TSC22D2: variants seen among roughly 807,000 people sequenced by gnomAD.
TSC22D2 encodes TSC22 domain family protein 2.
A neutral mutation model predicts 50.1 loss-of-function variants in TSC22D2; 5 were observed. The ratio of observed to expected loss-of-function variants is 0.10; its 90% CI spans 0.05 to 0.21. The LOEUF is 0.21. TSC22D2 is among the 10% of genes least tolerant of loss of function. TSC22D2 has a pLI of 1.00. For missense variants in TSC22D2, 1,003 were observed against 1,015.5 expected, an observed-to-expected ratio of 0.99 and a Z score of 0.17; for synonymous variants, 501 against 450.1, an observed-to-expected ratio of 1.11 and a Z score of -1.43.
At chr3:150,438,097 A>G (rs1000972654) in intron 1 of TSC22D2, 5 of 241,958 alleles carry the variant, frequency 2.1e-5, no homozygotes, top group Non-Finnish European at 3.6e-5. Context: ...TTAAAGTACA[A>G]AATATCAGTT....
chr3:150,423,207 T>A, intron 1 of TSC22D2: 5 of 965,756 alleles, frequency 5.2e-6, no homozygotes, highest in Non-Finnish European at 7.6e-6. Context: ...TTAAAACTGA[T>A]CTTTGTTATT....
chr3:150,452,566 C>T (rs1485301417), intron 1 of TSC22D2, among the ~76,000 whole-genome samples: 1 of 152,142 alleles, frequency 6.6e-6, no homozygotes, highest in African/African-American at 2.4e-5. Context: ...TGCAAGTAAT[C>T]TCATGGTAAG....
intron 1 of TSC22D2, among the ~76,000 whole-genome samples, chr3:150,443,408 G>T (rs951108407): frequency 6.6e-5 from 10 of 152,172 alleles, no homozygotes; most frequent in Non-Finnish European, 1.2e-4. Context: ...GTAAGTCACT[G>T]GTTTTAGTAC....
intron 1 of TSC22D2, among the ~76,000 whole-genome samples, chr3:150,429,842 A>G (rs1720325599): frequency 6.6e-6 from 1 of 152,134 alleles, no homozygotes; most frequent in South Asian, 2.1e-4. Flanking sequence ...TCCTGTTACC[A>G]TCTTCAGTGG....
chr3:150,448,070 C>T (rs191437073), intron 1 of TSC22D2, among the ~76,000 whole-genome samples: 3 of 152,320 alleles, frequency 2.0e-5, no homozygotes, highest in Non-Finnish European at 2.9e-5. Context: ...CCACCCTCCT[C>T]ATACCCCTTT....
intron 1 of TSC22D2, among the ~76,000 whole-genome samples, chr3:150,435,499 C>A (rs1720511104): frequency 1.3e-5 from 2 of 152,106 alleles, no homozygotes; most frequent in South Asian, 4.1e-4. Flanking sequence ...GTATTTCTGA[C>A]CAAGCATTGG....
Position 150,409,965 on chromosome 3 carries a change from C to T in TSC22D2, c.615C>T (p.Ser205=). Residue 205 remains serine, a synonymous_variant, in exon 1 of 3, where the codon AGC becomes AGT. Coordinates refer to ENST00000688009, the MANE Select transcript of TSC22D2 (RefSeq NM_001303264.2). The surrounding 1 kb of genome is among the most constrained non-coding windows in gnomAD (Gnocchi z 7.4). The part of the protein sequence containing the change: ...LTRSGDCIRH[S]STFDQTAERD... ...GATCCGGGGATTGCATTAGACACAG[C>T]AGTACTTTTGACCAGACTGCGGAGC... is the stretch of plus-strand genomic sequence containing the variant. 6.2e-7 allele frequency: 1 copy of T among 1,613,954 alleles called. No individual in the cohort carries two copies. The highest frequency in any genetic ancestry group is 8.5e-7 in the Non-Finnish European group (1 of 1,180,026).
rs1719488746 is a variant in TSC22D2, at chr3:150,410,392, G to A, written c.1042G>A (p.Ala348Thr). ...LPPQPGPAVGAPAAQQPQQFA... is the reference protein window; with the variant it reads ...LPPQPGPAVGTPAAQQPQQFA... ...TCCGCAGCCGGGCCCTGCAGTGGGC[G>A]CCCCCGCGGCGCAGCAGCCCCAGCA... Residue 348 changes from alanine to threonine, a missense_variant, in exon 1 of 3, where the codon GCC becomes ACC. Physicochemically the swap from Ala to Thr is moderately conservative, Grantham distance 58 (BLOSUM62 0). This residue lies in a region of TSC22D2 where 696 missense variants were observed against 647.8 expected (regional missense o/e 1.07). Transcript: ENST00000688009. 3.1e-6 allele frequency: 5 copies of A among 1,606,274 alleles called. No homozygotes were observed. Among genetic ancestry groups the A allele is most frequent in the Non-Finnish European group, 4.2e-6 (5 of 1,177,246 alleles).
chr3:150,438,540 G>T (rs1720620261), intron 1 of TSC22D2, among the ~76,000 whole-genome samples: 1 of 152,066 alleles, frequency 6.6e-6, no homozygotes, highest in South Asian at 2.1e-4. Flanking sequence ...CCGTATCTTT[G>T]CAGTGGTGTT....
chr3:150,410,789 C>T lies in TSC22D2; in HGVS notation c.1439C>T (p.Ser480Phe). 6.2e-7 allele frequency: 1 copy of T among 1,612,586 alleles called. No homozygotes were observed. Among genetic ancestry groups the T allele is most frequent in the Non-Finnish European group, 8.5e-7 (1 of 1,179,678 alleles). Reference protein sequence around the residue: ...LGPAGAGQPQSVPPPQMGGSG... With the variant: ...LGPAGAGQPQFVPPPQMGGSG... ...CCTGCCGGGGCTGGGCAGCCCCAGT[C>T]CGTGCCTCCGCCGCAGATGGGTGGC... The change falls in exon 1 of 3, where the codon TCC becomes TTC. Residue 480 changes from serine (S) to phenylalanine (F), a missense_variant. Coordinates refer to ENST00000688009, the MANE Select transcript of TSC22D2 (RefSeq NM_001303264.2).
At chr3:150,435,350 C>G (rs1343192684) in intron 1 of TSC22D2, among the ~76,000 whole-genome samples, 1 of 152,048 alleles carries the variant, frequency 6.6e-6, no homozygotes, top group Non-Finnish European at 1.5e-5. Flanking sequence ...TACATTTGTA[C>G]TAATTTTTAA....
chr3:150,411,442 T>G (rs1158167963), intron 1 of TSC22D2, 134 bp downstream of exon 1: 2 of 912,918 alleles, frequency 2.2e-6, no homozygotes, highest in Non-Finnish European at 3.2e-6. Context: ...TTTGGTAAAA[T>G]TGATTTAGAT....
intron 1 of TSC22D2, among the ~76,000 whole-genome samples, chr3:150,429,941 AC>A (rs1720327657): frequency 6.6e-6 from 1 of 152,176 alleles, no homozygotes; most frequent in Non-Finnish European, 1.5e-5. Flanking sequence ...GAGGGAAAAT[AC>A]CAGGAACGTT....
intron 1 of TSC22D2, among the ~76,000 whole-genome samples, chr3:150,430,141 G>A (rs1360466251): frequency 6.6e-6 from 1 of 152,150 alleles, no homozygotes; most frequent in Non-Finnish European, 1.5e-5. Context: ...CAGCTGGAGG[G>A]ATTGGTCAAA....
At chr3:150,438,227 G>T in intron 1 of TSC22D2, 1 of 427,624 alleles carries the variant, frequency 2.3e-6, no homozygotes, top group South Asian at 1.7e-5. Context: ...CATCGGAGGA[G>T]GAATGTGACA....
chr3:150,449,107 A>T (rs2108098554), intron 1 of TSC22D2, among the ~76,000 whole-genome samples: 1 of 152,262 alleles, frequency 6.6e-6, no homozygotes, highest in East Asian at 1.9e-4. Context: ...GATTTTTACA[A>T]ATCACAAATA....
At chr3:150,436,235 ATT>A (rs953489475) in intron 1 of TSC22D2, among the ~76,000 whole-genome samples, 1 of 151,852 alleles carries the variant, frequency 6.6e-6, no homozygotes, top group African/African-American at 2.4e-5. Flanking sequence ...CACCCTTAAA[ATT>A]TTTTTTTGTA....
In TSC22D2 at chr3:150,408,933, C is replaced by T; in HGVS notation, c.-418C>T. On this transcript the variant is annotated 5_prime_UTR_variant, in exon 1 of 3. Coordinates refer to ENST00000688009, the MANE Select transcript of TSC22D2 (RefSeq NM_001303264.2). Reference sequence around the variant, plus strand: ...GCCTCCTCCTCCTCCTCTTCGCCCTCCCACTCCCACCCCCAGCCAAGGCCT... The same window carrying T: ...GCCTCCTCCTCCTCCTCTTCGCCCTTCCACTCCCACCCCCAGCCAAGGCCT... 1 of 170,196 alleles carries T rather than the reference C, an allele frequency of 5.9e-6. No individual in the cohort carries two copies. The highest frequency in any genetic ancestry group is 1.4e-4 in the South Asian group (1 of 7,402). 10.5% of individuals were successfully genotyped at this position (170,196 alleles called of 1,614,324 possible).
chr3:150,412,291 A>T (rs1002211105), intron 1 of TSC22D2, among the ~76,000 whole-genome samples: 1 of 152,176 alleles, frequency 6.6e-6, no homozygotes, highest in African/African-American at 2.4e-5. Flanking sequence ...AATTATAGAA[A>T]AAGTTTCAGG....
Sources: allele counts gnomAD v4.1 joint callset (sites outside exome capture counted in the v4.1 genomes callset), GRCh38; gene constraint gnomAD v4.1.1; regional missense constraint gnomAD v4.1.1; non-coding constraint Gnocchi (gnomAD v3.1); transcripts MANE v1.5; gene names NCBI Gene and HGNC (gene_info 2026-07-23, HGNC 2026-07-21).